M1AP: variants seen among roughly 807,000 people sequenced by gnomAD.
The protein encoded by M1AP is meiosis 1 associated protein, also known as meiosis 1 arrest protein.
Under a neutral mutation model 51.2 loss-of-function variants are expected in M1AP, and 39 were observed. The ratio of observed to expected loss-of-function variants is 0.76; its 90% confidence interval spans 0.59 to 1.00. M1AP has a LOEUF of 1.00. Among genes scored for constraint, M1AP ranks in the 50% least tolerant of loss-of-function variants. The pLI is 0.00. For missense variants in M1AP, 545 were observed against 641.2 expected (o/e 0.85, Z 1.62); for synonymous variants, 251 against 249.2 (o/e 1.01, Z -0.07).
At chr2:74,561,062 GGGAGGAGGAGGAGGA>G (rs1208357090) in intron 8 of M1AP, among the ~76,000 whole-genome samples, 1 of 56,830 alleles carries the variant, frequency 1.8e-5, no homozygotes, top group South Asian at 4.8e-4. Flanking sequence ...GGAGGAGGAG[GGGAGGAGGAGGAGGA>G]GGAGGAGGAG....
intron 2 of M1AP, among the ~76,000 whole-genome samples, chr2:74,630,870 A>C (rs1217957509): frequency 6.6e-6 from 1 of 152,216 alleles, no homozygotes; most frequent in East Asian, 1.9e-4. Flanking sequence ...TTGCTGGGTC[A>C]AAGGGTATTT....
chr2:74,638,881 C>T (rs1683132285), intron 2 of M1AP, among the ~76,000 whole-genome samples: 1 of 152,160 alleles, frequency 6.6e-6, no homozygotes, highest in South Asian at 2.1e-4. Context: ...ATTTGTTACA[C>T]AGCAATAAAC....
chr2:74,558,820 T>A lies in M1AP; in HGVS notation c.1489A>T (p.Thr497Ser), dbSNP rs1318017208. ...TTGGAGGCTCTGCCTGGGACAGGAG[T>A]CATAGGCAGGGGGGCCACAGTAGCT... ...ARATVAPLPM[T>S]PVPGRASKMP... The change falls in exon 11 of 11, where the codon ACT becomes TCT. Residue 497 changes from threonine to serine, a missense_variant. By Grantham distance (58) the Thr-to-Ser change is moderately conservative. Transcript: ENST00000421985. The A allele has an allele frequency of 1.2e-6, 2 of 1,607,944 alleles. No individual in the cohort carries two copies. Among genetic ancestry groups the A allele is most frequent in the Admixed American group, 3.4e-5 (2 of 58,832 alleles).
chr2:74,631,888 G>A (rs1402094490), intron 2 of M1AP, among the ~76,000 whole-genome samples: 3 of 152,164 alleles, frequency 2.0e-5, no homozygotes, highest in Non-Finnish European at 2.9e-5. Flanking sequence ...TTCTGAGTAA[G>A]ATTTCCCACA....
Position 74,578,000 on chromosome 2 carries a change from A to G in M1AP, c.770-1382T>C, listed in dbSNP as rs144091841. On this transcript the variant is annotated intron_variant, in intron 5 of 10. Coordinates refer to ENST00000421985, the MANE Select transcript of M1AP (RefSeq NM_001321739.2). ...AGGCATTAGTTAGATTCTCATAAGG[A>G]GTGCACAACCTAGATCCCTTGCATG... Among the ~76,000 whole-genome samples, 449 of 152,298 alleles carry G rather than the reference A, an allele frequency of 2.9e-3. 3 individuals carry two copies. The highest frequency in any genetic ancestry group is 4.1e-3 in the South Asian group (20 of 4,830).
chr2:74,644,479 A>G (rs1683480529), intron 1 of M1AP, among the ~76,000 whole-genome samples: 1 of 151,816 alleles, frequency 6.6e-6, no homozygotes, highest in African/African-American at 2.4e-5. Context: ...CGGAGGTTGC[A>G]GTGAGCCAAG....
intron 3 of M1AP, among the ~76,000 whole-genome samples, chr2:74,612,201 T>C (rs554138985): frequency 5.3e-5 from 8 of 151,932 alleles, no homozygotes; most frequent in Admixed American, 3.9e-4. Context: ...ACCAGTTCTT[T>C]TTTCATTGAA....
chr2:74,615,113 T>C lies in M1AP; in HGVS notation c.277A>G (p.Ile93Val). ...KGNFARLQTC[I>V]SELRMLQREG... ...CTCTGTAACATGCGGAGTTCTGAGA[T>C]GCAGGTCTGCAACCTAGCAAAGTTC... is the stretch of plus-strand genomic sequence containing the variant. The change falls in exon 3 of 11, where the codon ATC becomes GTC. Residue 93 changes from isoleucine (I) to valine (V), a missense_variant. Coordinates refer to ENST00000421985, the MANE Select transcript of M1AP (RefSeq NM_001321739.2). 1.2e-6 allele frequency: 2 copies of C among 1,614,242 alleles called. No homozygotes were observed. Among genetic ancestry groups the C allele is most frequent in the Non-Finnish European group, 8.5e-7 (1 of 1,180,022 alleles).
intron 7 of M1AP, among the ~76,000 whole-genome samples, chr2:74,570,355 G>T (rs1678661077): frequency 6.6e-6 from 1 of 152,144 alleles, no homozygotes; most frequent in Non-Finnish European, 1.5e-5. Context: ...TAAGAAAGGG[G>T]GGAATTTCTA....
intron 4 of M1AP, among the ~76,000 whole-genome samples, chr2:74,584,145 T>A (rs2104600173): frequency 6.6e-6 from 1 of 152,296 alleles, no homozygotes; most frequent in African/African-American, 2.4e-5. Flanking sequence ...AAATATCTTT[T>A]AAAAAAATAA....
intron 5 of M1AP, among the ~76,000 whole-genome samples, chr2:74,577,699 G>A (rs566947248): frequency 6.6e-6 from 1 of 152,314 alleles, no homozygotes; most frequent in African/African-American, 2.4e-5. Context: ...ACGGCCCTCA[G>A]CCTGACATGT....
At chr2:74,643,302 T>G (rs1178552775) in intron 1 of M1AP, among the ~76,000 whole-genome samples, 2 of 152,156 alleles carry the variant, frequency 1.3e-5, no homozygotes, top group Admixed American at 6.5e-5. Context: ...TGAAGATGAA[T>G]GAACTGCAGT....
At chr2:74,627,681 A>G (rs1054852403) in intron 2 of M1AP, among the ~76,000 whole-genome samples, 1 of 152,176 alleles carries the variant, frequency 6.6e-6, no homozygotes, top group Admixed American at 6.5e-5. Context: ...ATAAACTATG[A>G]TGATTCCATT....
chr2:74,598,935 C>T (rs1007301535), intron 4 of M1AP, among the ~76,000 whole-genome samples: 1 of 151,842 alleles, frequency 6.6e-6, no homozygotes, highest in South Asian at 2.1e-4. Flanking sequence ...TTCATGTATA[C>T]TTTGATGAAC....
chr2:74,626,874 C>CT (rs971569528), intron 2 of M1AP, among the ~76,000 whole-genome samples: 1 of 152,164 alleles, frequency 6.6e-6, no homozygotes, highest in Non-Finnish European at 1.5e-5. Context: ...TACAATCTGT[C>CT]TTTTCAATCT....
chr2:74,620,034 C>T (rs1047578100), intron 2 of M1AP, among the ~76,000 whole-genome samples: 2 of 152,102 alleles, frequency 1.3e-5, no homozygotes, highest in African/African-American at 4.8e-5. Flanking sequence ...AAAATTATTC[C>T]TGATTTTGGC....
At chr2:74,577,710 C>T (rs1679160465) in intron 5 of M1AP, among the ~76,000 whole-genome samples, 1 of 152,178 alleles carries the variant, frequency 6.6e-6, no homozygotes, top group African/African-American at 2.4e-5. Flanking sequence ...CCTGACATGT[C>T]CCAGAGCACA....
chr2:74,587,014 A>T (rs926772392), intron 4 of M1AP, among the ~76,000 whole-genome samples: 3 of 152,038 alleles, frequency 2.0e-5, no homozygotes, highest in Non-Finnish European at 4.4e-5. Context: ...AAAAAAAAAA[A>T]AAAATTTGTT....
chr2:74,615,293 T>C (rs1681601894), intron 2 of M1AP, 144 bp from the exon 3 acceptor site: 1 of 737,890 alleles, frequency 1.4e-6, no homozygotes, highest in Admixed American at 2.7e-5. Flanking sequence ...TGAATTCCTA[T>C]TGTGTTCTAG....
Sources: allele counts gnomAD v4.1 joint callset (sites outside exome capture counted in the v4.1 genomes callset), GRCh38; gene constraint gnomAD v4.1.1; transcripts MANE v1.5; gene names NCBI Gene and HGNC (gene_info 2026-07-23, HGNC 2026-07-21).